Variants in DNAI2 observed in about 807,000 individuals in gnomAD.
DNAI2 encodes the protein dynein, axonemal, intermediate polypeptide 2.
DNAI2 carries 63 observed loss-of-function variants against 74.7 expected under a neutral mutation model. The ratio of observed to expected loss-of-function variants is 0.84; its 90% confidence interval spans 0.69 to 1.04. DNAI2 has a LOEUF of 1.04. DNAI2 is among the 50% of genes least tolerant of loss of function. DNAI2 has a pLI of 0.00. For synonymous variants in DNAI2, 289 were observed against 314.9 expected, an observed-to-expected ratio of 0.92 and a Z score of 0.87; for missense variants, 688 against 803.2, an observed-to-expected ratio of 0.86 and a Z score of 1.73.
At chr17:74,296,317 G>A (rs1424363415) in intron 6 of DNAI2, among the ~76,000 whole-genome samples, 1 of 93,834 alleles carries the variant, frequency 1.1e-5, no homozygotes, top group African/African-American at 3.1e-5. Context: ...TTTAAAGAGA[G>A]AGAGAGAGAG....
chr17:74,280,338 T>G (rs2051321971), intron 1 of DNAI2, among the ~76,000 whole-genome samples: 1 of 152,218 alleles, frequency 6.6e-6, no homozygotes, highest in Non-Finnish European at 1.5e-5. Flanking sequence ...TCAGAAAGAC[T>G]AAGTGGCCCT....
chr17:74,284,990 T>C (rs1598277876), intron 2 of DNAI2, 50 bp from the exon 3 acceptor site: 2 of 1,612,004 alleles, frequency 1.2e-6, no homozygotes, highest in African/African-American at 2.7e-5. Flanking sequence ...TGGCCGAGGG[T>C]TTGGGAGTAT....
In DNAI2 at chr17:74,314,184, G is replaced by A. The variant is rs1486049035; in HGVS notation, c.1786G>A (p.Gly596Arg). The A allele has an allele frequency of 1.2e-6, 2 of 1,614,206 alleles. No individual in the cohort carries two copies. The highest frequency in any genetic ancestry group is 1.1e-5 in the South Asian group (1 of 91,084). The change falls in exon 13 of 14, where the codon GGG (glycine) becomes AGG (arginine). Residue 596 changes from glycine (G) to arginine (R), a missense_variant. Gly to Arg is a moderately radical substitution (Grantham distance 125, BLOSUM62 -2). Transcript: ENST00000311014. ...GGGAGAGGAAGCAGCGGGGGAAGAAGGGGATGAAGAAGTGGAAGAAGACTT... is the reference window on the plus strand; with the variant it reads ...GGGAGAGGAAGCAGCGGGGGAAGAAAGGGATGAAGAAGTGGAAGAAGACTT... Reference protein sequence around the residue: ...EEGEEAAGEEGDEEVEEDLA With the variant: ...EEGEEAAGEERDEEVEEDLA
chr17:74,306,150 C>G (rs931911515), intron 9 of DNAI2, among the ~76,000 whole-genome samples: 2 of 152,226 alleles, frequency 1.3e-5, no homozygotes, highest in South Asian at 2.1e-4. Context: ...CTGGGAAATG[C>G]GGGTGCCTTG....
intron 4 of DNAI2, among the ~76,000 whole-genome samples, chr17:74,289,180 C>G (rs527259910): frequency 1.1e-4 from 16 of 152,316 alleles, no homozygotes; most frequent in African/African-American, 3.6e-4. Context: ...CCCTCCAGCC[C>G]TGCTGGGCTC....
rs192346520 is a variant in DNAI2 at position 74,302,427 on chromosome 17, C to T, written c.987+1259C>T. Among the ~76,000 whole-genome samples the T allele has an allele frequency of 3.3e-5, 5 of 152,204 alleles. No individual in the cohort carries two copies. In the East Asian group the frequency reaches 7.7e-4, roughly 24 times the overall value. On this transcript the variant is annotated intron_variant, in intron 8 of 13. Coordinates refer to ENST00000311014, the MANE Select transcript of DNAI2 (RefSeq NM_023036.6). ...TACTAAAAATACAAAATTAGCTGGG[C>T]GTGGAGGCGCACGCCTGTAATCCCA...
At chr17:74,304,632 T>C (rs933506715) in intron 8 of DNAI2, among the ~76,000 whole-genome samples, 2 of 152,238 alleles carry the variant, frequency 1.3e-5, no homozygotes, top group African/African-American at 2.4e-5. Flanking sequence ...TCGTGGGCGA[T>C]GGACCCATGT....
At chr17:74,291,412 C>T (rs766652341) in intron 6 of DNAI2, among the ~76,000 whole-genome samples, 1 of 152,184 alleles carries the variant, frequency 6.6e-6, no homozygotes, top group Admixed American at 6.6e-5. Context: ...GATTCACCCA[C>T]CTGGGCCTCC....
intron 6 of DNAI2, among the ~76,000 whole-genome samples, chr17:74,291,848 T>C (rs1208034081): frequency 6.6e-6 from 1 of 150,528 alleles, no homozygotes; most frequent in Admixed American, 6.7e-5. Context: ...TTCTGGAAGT[T>C]TGTGAAGAAT....
In DNAI2 at chr17:74,305,297, A is replaced by T; in HGVS notation, c.1066A>T (p.Ile356Phe). The part of the protein sequence containing the change: ...NRKAKTSAEK[I>F]VCTFPGHHGP... ...CAAGGCCAAGACGTCAGCTGAAAAG[A>T]TTGTGTGCACCTTCCCGGGCCATCA... is the stretch of plus-strand genomic sequence containing the variant. Residue 356 changes from isoleucine to phenylalanine, a missense_variant, in exon 9 of 14, where the codon ATT becomes TTT. Transcript: ENST00000311014. 6.2e-7 allele frequency: 1 copy of T among 1,614,182 alleles called. No homozygotes were observed. Among genetic ancestry groups the T allele is most frequent in the Non-Finnish European group, 8.5e-7 (1 of 1,180,040 alleles).
chr17:74,285,163 G>A lies in DNAI2; in HGVS notation c.307G>A (p.Asp103Asn). ...CCGTTTCCGGAAGAAAGTGGAGAAAGATGAGAACTACGTTAACGCCATCAT... is the reference window on the plus strand; with the variant it reads ...CCGTTTCCGGAAGAAAGTGGAGAAAAATGAGAACTACGTTAACGCCATCAT... ...TIRFRKKVEK[D>N]ENYVNAIMQL... Residue 103 changes from aspartate (D) to asparagine (N), a missense_variant, in exon 3 of 14, where the codon GAT becomes AAT. By Grantham distance (23) the Asp-to-Asn change is conservative. Transcript: ENST00000311014. The A allele has an allele frequency of 6.2e-7, 1 of 1,614,218 alleles. No homozygotes were observed. The highest frequency in any genetic ancestry group is 8.5e-7 in the Non-Finnish European group (1 of 1,180,036).
intron 2 of DNAI2, among the ~76,000 whole-genome samples, chr17:74,282,785 A>T (rs1174458646): frequency 1.3e-5 from 2 of 152,222 alleles, no homozygotes; most frequent in Admixed American, 6.5e-5. Context: ...TAAGTGATTC[A>T]CCCTAATTAG....
chr17:74,281,955 A>G lies in DNAI2; in HGVS notation c.138A>G (p.Pro46=). 6.2e-7 allele frequency: 1 copy of G among 1,614,112 alleles called. No homozygotes were observed. Among genetic ancestry groups the G allele is most frequent in the Non-Finnish European group, 8.5e-7 (1 of 1,180,004 alleles). The change falls in exon 2 of 14, where the codon CCA becomes CCG. Residue 46 remains proline (P), a synonymous_variant. Coordinates refer to ENST00000311014, the MANE Select transcript of DNAI2 (RefSeq NM_023036.6). Reference sequence around the variant, plus strand: ...CCGAGCAGTTCGTGGAGCGGAACCCAGTGGACACGGGCATCCAGTGCTCGA... The same window carrying G: ...CCGAGCAGTTCGTGGAGCGGAACCCGGTGGACACGGGCATCCAGTGCTCGA... ...ELAEQFVERN[P]VDTGIQCSIS...
At chr17:74,313,450 C>G (rs2053648721) in intron 12 of DNAI2, among the ~76,000 whole-genome samples, 1 of 152,166 alleles carries the variant, frequency 6.6e-6, no homozygotes, top group South Asian at 2.1e-4. Flanking sequence ...ACGCCTAATC[C>G]AGGGCTCCTC....
intron 8 of DNAI2, among the ~76,000 whole-genome samples, chr17:74,302,866 T>A (rs2052942731): frequency 1.3e-5 from 2 of 152,164 alleles, no homozygotes; most frequent in African/African-American, 4.8e-5. Flanking sequence ...AGCTCAAGGC[T>A]GAGAGATGAA....
At chr17:74,286,592 C>A (rs1014181827) in intron 3 of DNAI2, among the ~76,000 whole-genome samples, 1 of 151,694 alleles carries the variant, frequency 6.6e-6, no homozygotes, top group Admixed American at 6.6e-5. Context: ...AGCTAATTTT[C>A]TTTTGTATTT....
intron 2 of DNAI2, 86 bp from the exon 3 acceptor site, chr17:74,284,954 C>T: frequency 1.9e-6 from 3 of 1,572,942 alleles, no homozygotes; most frequent in East Asian, 2.2e-5. Context: ...GCCCTGGGAG[C>T]CCCCGTGGGA....
At chr17:74,314,532 C>G in intron 13 of DNAI2, 57 bp from the exon 14 acceptor site, 1 of 368,290 alleles carries the variant, frequency 2.7e-6, no homozygotes. Context: ...TGGATGTCTC[C>G]TGGGATTCAG....
Position 74,300,015 on chromosome 17 carries a change from C to T in DNAI2, c.864+158C>T, listed in dbSNP as rs1451285659. Among the ~76,000 whole-genome samples, 1 of 152,242 alleles carries T rather than the reference C, an allele frequency of 6.6e-6. No individual in the cohort carries two copies. The highest frequency in any genetic ancestry group is 2.4e-5 in the African/African-American group (1 of 41,462). On this transcript the variant is annotated intron_variant, in intron 7 of 13. Transcript: ENST00000311014. This position sits in a 1 kb window ranked among gnomAD's most constrained non-coding sequence, Gnocchi z 4.5. ...CCAGGCTGGAGTGCAATGGCACGAT[C>T]TTGGTTCACTGCAACCTCTGCCTCC...
Sources: allele counts gnomAD v4.1 joint callset (sites outside exome capture counted in the v4.1 genomes callset), GRCh38; gene constraint gnomAD v4.1.1; non-coding constraint Gnocchi (gnomAD v3.1); transcripts MANE v1.5; gene names NCBI Gene and HGNC (gene_info 2026-07-23, HGNC 2026-07-21).